The following SGPP2 variants were observed in gnomAD, a reference collection of about 807,000 sequenced individuals.
SGPP2 encodes sphingosine 1-phosphate phosphohydrolase 2.
SGPP2 carries 30 observed loss-of-function variants against 33.9 expected under a neutral mutation model. The observed-to-expected ratio is 0.89, with a 90% CI of 0.66 to 1.20. The LOEUF (loss-of-function observed/expected upper bound fraction) is 1.20, where lower values mean the gene tolerates loss of function less well. Ranked by LOEUF, SGPP2 falls within the 50% of genes most tolerant of loss-of-function variation. The pLI is 0.00. For missense variants in SGPP2, 458 were observed against 532.1 expected (o/e 0.86, Z 1.37); for synonymous variants, 233 against 225.0 (o/e 1.04, Z -0.32).
Position 222,477,071 on chromosome 2 carries a change from ATAG to A in SGPP2, c.378+2346_378+2348del, listed in dbSNP as rs1199775439. On this transcript the variant is annotated intron_variant, in intron 2 of 4. Coordinates refer to ENST00000321276, the MANE Select transcript of SGPP2 (RefSeq NM_152386.4). The surrounding 1 kb of genome is among the most constrained non-coding windows in gnomAD (Gnocchi z 6.0). Reference sequence around the variant, plus strand: ...TATAGGTGTGTATATATGTGTGTTTATAGATATGTATATATTTGTGAATGTATG... The same window carrying A: ...TATAGGTGTGTATATATGTGTGTTTAATATGTATATATTTGTGAATGTATG... 2.1e-5 allele frequency among the ~76,000 whole-genome samples: 3 copies of A among 143,536 alleles called. No individual in the cohort carries two copies. The East Asian group carries it at 5.9e-4, about 28-fold the overall frequency. The allele number at this position is 143,536 out of a possible 152,430, so 94.2% of individuals were successfully genotyped here.
At chr2:222,452,549 C>T (rs1354193847) in intron 1 of SGPP2, 18 of 1,125,636 alleles carry the variant, frequency 1.6e-5, no homozygotes, top group Non-Finnish European at 4.1e-6. Context: ...TTGGCTGGAA[C>T]TACATGCAGG....
intron 2 of SGPP2, among the ~76,000 whole-genome samples, chr2:222,500,366 A>G (rs1044125464): frequency 6.6e-6 from 1 of 152,128 alleles, no homozygotes; most frequent in Admixed American, 6.6e-5. Context: ...AATAACCAGA[A>G]AAAAGGGAGG....
intron 1 of SGPP2, among the ~76,000 whole-genome samples, chr2:222,463,436 G>C (rs1284641552): frequency 4.6e-5 from 7 of 152,052 alleles, no homozygotes; most frequent in Non-Finnish European, 8.8e-5. Flanking sequence ...GTAAGGCCCT[G>C]TCTCTACAAA....
intron 1 of SGPP2, among the ~76,000 whole-genome samples, chr2:222,432,069 T>G (rs1697165299): frequency 6.6e-6 from 1 of 152,176 alleles, no homozygotes; most frequent in Non-Finnish European, 1.5e-5. Flanking sequence ...TTGGACTTTA[T>G]CCTATAGACA....
rs1358811160 is a variant in SGPP2, at chr2:222,424,795, G to A, written c.193G>A (p.Gly65Arg). The change falls in exon 1 of 5, where the codon GGG becomes AGG. Residue 65 changes from glycine (G) to arginine (R), a missense_variant. Transcript: ENST00000321276. ...CAAGGGCGGCGAGGCTCCGGCCAAC[G>A]GGCTGCGCAGAGCCGCGGCGCCGGA... is the stretch of plus-strand genomic sequence containing the variant. ...NGKGGEAPANGLRRAAAPEAY... is the reference protein window; with the variant it reads ...NGKGGEAPANRLRRAAAPEAY... The A allele has an allele frequency of 1.0e-5, 14 of 1,392,236 alleles. No homozygotes were observed. Among genetic ancestry groups the A allele is most frequent in the Non-Finnish European group, 1.2e-5 (13 of 1,075,500 alleles). 86.2% of individuals were successfully genotyped at this position (1,392,236 alleles called of 1,614,324 possible).
At chr2:222,531,242 C>T (rs537722854) in intron 4 of SGPP2, among the ~76,000 whole-genome samples, 29 of 152,250 alleles carry the variant, frequency 1.9e-4, no homozygotes, top group African/African-American at 7.0e-4. Flanking sequence ...AGTATTACCA[C>T]AAAACTTCAA....
chr2:222,473,290 G>A (rs1697876606), intron 1 of SGPP2, among the ~76,000 whole-genome samples: 1 of 152,132 alleles, frequency 6.6e-6, no homozygotes, highest in Non-Finnish European at 1.5e-5. Context: ...AGGCTGGAGG[G>A]AAGAATCTGA....
chr2:222,490,374 T>C (rs1698178184), intron 2 of SGPP2, among the ~76,000 whole-genome samples: 1 of 152,172 alleles, frequency 6.6e-6, no homozygotes, highest in Non-Finnish European at 1.5e-5. Flanking sequence ...TGGGGTCACT[T>C]GGACATTTAC....
chr2:222,515,813 C>T (rs906719377), intron 2 of SGPP2, among the ~76,000 whole-genome samples: 2 of 152,120 alleles, frequency 1.3e-5, no homozygotes, highest in African/African-American at 2.4e-5. Flanking sequence ...CCAAGGCAGG[C>T]GGATCACCTG....
chr2:222,469,747 T>TCA (rs750991635), intron 1 of SGPP2, among the ~76,000 whole-genome samples: 2 of 152,314 alleles, frequency 1.3e-5, no homozygotes, highest in Non-Finnish European at 2.9e-5. Flanking sequence ...TGTATTGAAG[T>TCA]CACACACACT....
chr2:222,442,928 G>A (rs1350616327), intron 1 of SGPP2, among the ~76,000 whole-genome samples: 2 of 152,110 alleles, frequency 1.3e-5, no homozygotes, highest in Admixed American at 1.3e-4. Flanking sequence ...GTGGAGCCTC[G>A]CTGAACAAAC....
In SGPP2 at chr2:222,558,592, G is replaced by A. The variant is rs145148602; in HGVS notation, c.894G>A (p.Gln298=). 1.4e-4 allele frequency: 223 copies of A among 1,614,174 alleles called. No individual in the cohort carries two copies. Among genetic ancestry groups the A allele is most frequent in the Admixed American group, 5.5e-4 (33 of 60,022 alleles). The part of the protein sequence containing the change: ...TIGFWINHFF[Q]LVSKPAESLP... The stretch of plus-strand genomic sequence containing the variant: ...GATTCTGGATCAACCATTTCTTCCA[G>A]CTTGTATCCAAGCCCGCTGAATCTC... Residue 298 remains glutamine, a synonymous_variant, in exon 5 of 5, where the codon CAG becomes CAA. Coordinates refer to ENST00000321276, the MANE Select transcript of SGPP2 (RefSeq NM_152386.4).
At chr2:222,503,513 C>T (rs1172186146) in intron 2 of SGPP2, among the ~76,000 whole-genome samples, 1 of 152,094 alleles carries the variant, frequency 6.6e-6, no homozygotes, top group South Asian at 2.1e-4. Context: ...ATCTCAAGTC[C>T]CTGGTAATAA....
chr2:222,536,577 G>GGATGAGGC (rs905546263), intron 4 of SGPP2, among the ~76,000 whole-genome samples: 1 of 152,128 alleles, frequency 6.6e-6, no homozygotes, highest in African/African-American at 2.4e-5. Context: ...CTACTCGGGA[G>GGATGAGGC]GATGAGGCAT....
intron 1 of SGPP2, among the ~76,000 whole-genome samples, chr2:222,472,975 T>C (rs151257939): frequency 0.022 from 3,410 of 151,976 alleles, 43 homozygotes; most frequent in Non-Finnish European, 0.033. Context: ...GATAGTGCCA[T>C]TGCACTCCAG....
chr2:222,453,092 G>GA (rs1376028340), intron 1 of SGPP2: 6 of 1,007,400 alleles, frequency 6.0e-6, no homozygotes, highest in Non-Finnish European at 9.4e-6. Context: ...TTGCCTTTGG[G>GA]ACTGGTAGGA....
At chr2:222,485,223 C>T (rs1006056410) in intron 2 of SGPP2, among the ~76,000 whole-genome samples, 7 of 152,200 alleles carry the variant, frequency 4.6e-5, no homozygotes, top group Admixed American at 1.3e-4. Flanking sequence ...CAGAAATGTG[C>T]TTTGCCTATT....
intron 1 of SGPP2, among the ~76,000 whole-genome samples, chr2:222,470,682 A>T (rs530795553): frequency 2.0e-5 from 3 of 152,326 alleles, no homozygotes; most frequent in African/African-American, 7.2e-5. Flanking sequence ...ATGTCATATA[A>T]CACTTGGGTA....
chr2:222,532,502 G>A (rs776831425), intron 4 of SGPP2, among the ~76,000 whole-genome samples: 4 of 152,052 alleles, frequency 2.6e-5, no homozygotes, highest in Admixed American at 1.3e-4. Context: ...CATTAAACCC[G>A]CATGGCTGTG....
Sources: gnomAD v4.1 joint callset for allele counts (sites outside exome capture counted in the v4.1 genomes callset) on GRCh38, gnomAD v4.1.1 for gene constraint, Gnocchi (gnomAD v3.1) non-coding constraint, MANE v1.5 for transcripts, NCBI Gene and HGNC (gene_info 2026-07-23, HGNC 2026-07-21) for gene names.